Variants in ARHGEF3 observed in about 807,000 individuals in gnomAD.
ARHGEF3 encodes Rho guanine nucleotide exchange factor 3.
Under a neutral mutation model 63.2 loss-of-function variants are expected in ARHGEF3, and 28 were observed. The observed-to-expected ratio is 0.44, with a 90% CI of 0.33 to 0.61. The LOEUF (loss-of-function observed/expected upper bound fraction) is 0.61. Among genes scored for constraint, ARHGEF3 ranks in the 20% least tolerant of loss-of-function variants. The pLI is 0.03. For synonymous variants in ARHGEF3, 266 were observed against 254.2 expected (o/e 1.05, Z -0.44); for missense variants, 533 against 659.3 (o/e 0.81, Z 2.10).
At chr3:57,013,185 C>T (rs546621902) in intron 2 of ARHGEF3, among the ~76,000 whole-genome samples, 7 of 152,334 alleles carry the variant, frequency 4.6e-5, no homozygotes, top group African/African-American at 1.7e-4. Context: ...CAGAGCCTCC[C>T]AGACAGGCAC....
upstream of ARHGEF3, chr3:56,802,055 G>A (rs887350633): frequency 4.5e-6 from 6 of 1,322,084 alleles, no homozygotes; most frequent in Non-Finnish European, 5.8e-6. Context: ...GAGGGCCCAC[G>A]TGCCGCAGCG....
At chr3:56,958,715 G>A in intron 3 of ARHGEF3, 1 of 1,178,816 alleles carries the variant, frequency 8.5e-7, no homozygotes, top group Non-Finnish European at 1.2e-6. Context: ...CGCTCCTGAT[G>A]GAGACTTTGA....
intron 4 of ARHGEF3, among the ~76,000 whole-genome samples, chr3:56,822,405 T>G (rs1051596492): frequency 2.6e-5 from 4 of 152,142 alleles, no homozygotes; most frequent in African/African-American, 9.7e-5. Flanking sequence ...ATCCACTGCA[T>G]GAACACTGCA....
intron 3 of ARHGEF3, chr3:56,939,733 A>G (rs1264859885): frequency 6.6e-6 from 1 of 152,248 alleles, no homozygotes; most frequent in African/African-American, 2.4e-5. Context: ...AGATGAAAGA[A>G]GAGGAGTTAG....
intron 3 of ARHGEF3, among the ~76,000 whole-genome samples, chr3:56,890,272 T>C (rs2041077342): frequency 6.6e-6 from 1 of 152,212 alleles, no homozygotes; most frequent in African/African-American, 2.4e-5. Flanking sequence ...AAATATTTAC[T>C]GAGCATTTAC....
chr3:56,933,363 T>C (rs2042461885), intron 3 of ARHGEF3, among the ~76,000 whole-genome samples: 1 of 151,934 alleles, frequency 6.6e-6, no homozygotes, highest in Admixed American at 6.6e-5. Flanking sequence ...TCTGAATTGA[T>C]CACTCTATAA....
intron 2 of ARHGEF3, chr3:57,007,326 C>T (rs1456466395): frequency 1.6e-6 from 2 of 1,289,730 alleles, no homozygotes; most frequent in Non-Finnish European, 1.0e-6. Flanking sequence ...CCAGAAACAC[C>T]TCCAACAGCC....
chr3:56,974,698 G>C (rs561573372), intron 2 of ARHGEF3, among the ~76,000 whole-genome samples: 6 of 151,692 alleles, frequency 4.0e-5, no homozygotes, highest in African/African-American at 1.5e-4. Context: ...CTGAATCATC[G>C]CACGTTTTCA....
chr3:57,059,454 C>A (rs765411893), intron 1 of ARHGEF3, among the ~76,000 whole-genome samples: 2 of 133,942 alleles, frequency 1.5e-5, no homozygotes, highest in African/African-American at 2.8e-5. Context: ...ACAAGCTTGG[C>A]CTAAAGATAA....
intron 3 of ARHGEF3, among the ~76,000 whole-genome samples, chr3:56,888,761 G>C (rs1234605664): frequency 1.3e-5 from 2 of 152,002 alleles, no homozygotes; most frequent in Non-Finnish European, 2.9e-5. Flanking sequence ...AAATTAGCTG[G>C]GCATGATTGT....
chr3:57,001,885 G>A (rs62251158), intron 2 of ARHGEF3, among the ~76,000 whole-genome samples: 21,568 of 147,504 alleles, frequency 0.15, 2,014 homozygotes, highest in Non-Finnish European at 0.21. Flanking sequence ...TTGTAGTCTC[G>A]TCTTAAATCC....
At chr3:56,766,037 A>G (rs1284666865) in intron 2 of ARHGEF3, among the ~76,000 whole-genome samples, 1 of 151,372 alleles carries the variant, frequency 6.6e-6, no homozygotes, top group Admixed American at 6.6e-5. Context: ...TTTTTTCCCT[A>G]TCCATATACT....
In ARHGEF3 at chr3:56,951,001, C is replaced by T. The variant is rs1032702687; in HGVS notation, c.129+7822G>A. Among the ~76,000 whole-genome samples, 54 of 151,920 alleles carry T rather than the reference C, an allele frequency of 3.6e-4. 1 individual carries two copies. Among genetic ancestry groups the T allele is most frequent in the African/African-American group, 1.3e-3 (54 of 41,286 alleles). On this transcript the variant is annotated intron_variant, in intron 3 of 12. Coordinates refer to the ARHGEF3 transcript ENST00000338458. The stretch of plus-strand genomic sequence containing the variant: ...GTAGGGACATGGATGAAGCTGGAAA[C>T]CATCATTCTCAGCAAACTATCGCAA...
intron 2 of ARHGEF3, among the ~76,000 whole-genome samples, chr3:56,959,570 C>T (rs935346461): frequency 6.6e-6 from 1 of 152,156 alleles, no homozygotes; most frequent in Non-Finnish European, 1.5e-5. Context: ...GGATAAATTA[C>T]TCCCCTAAAA....
At chr3:56,881,887 T>C (rs936945101) in intron 4 of ARHGEF3, among the ~76,000 whole-genome samples, 1 of 152,240 alleles carries the variant, frequency 6.6e-6, no homozygotes, top group Non-Finnish European at 1.5e-5. Context: ...ACTATGCTTC[T>C]GGAGTCTTAT....
chr3:56,958,268 C>T (rs547034085), intron 3 of ARHGEF3, among the ~76,000 whole-genome samples: 2 of 151,944 alleles, frequency 1.3e-5, no homozygotes, highest in Non-Finnish European at 2.9e-5. Flanking sequence ...TCCTGCAGCC[C>T]AAGACCCTCA....
intron 2 of ARHGEF3, among the ~76,000 whole-genome samples, chr3:57,013,103 G>A (rs552900342): frequency 5.3e-5 from 8 of 152,310 alleles, no homozygotes; most frequent in East Asian, 3.9e-4. Context: ...CTGCCTCCCC[G>A]CTGGGCAGGG....
rs139634288 is a variant in ARHGEF3, at chr3:56,892,044, G to A, written c.130-9690C>T. 1.1e-3 allele frequency among the ~76,000 whole-genome samples: 164 copies of A among 152,276 alleles called. 1 individual carries two copies. The highest frequency in any genetic ancestry group is 3.7e-3 in the African/African-American group (155 of 41,552). ...AGGGAAGACATGTCCAACCAAACAA[G>A]TGGGAGGAGGGAGGAGACCTAGCCA... is the stretch of plus-strand genomic sequence containing the variant. On this transcript the variant is annotated intron_variant, in intron 3 of 12. Coordinates refer to the ARHGEF3 transcript ENST00000338458.
chr3:56,888,932 CAAAAAT>C (rs1267255607), intron 3 of ARHGEF3, among the ~76,000 whole-genome samples: 6 of 142,076 alleles, frequency 4.2e-5, no homozygotes, highest in South Asian at 2.2e-4. Context: ...AAACAAAAAA[CAAAAAT>C]GACCAGGGGG....
Sources: allele counts gnomAD v4.1 joint callset (sites outside exome capture counted in the v4.1 genomes callset), GRCh38; gene constraint gnomAD v4.1.1; transcripts MANE v1.5; gene names NCBI Gene and HGNC (gene_info 2026-07-23, HGNC 2026-07-21).